SELE: variants seen among roughly 807,000 people sequenced by gnomAD.
The protein encoded by SELE is selectin E.
A neutral mutation model predicts 75.8 loss-of-function variants in SELE; 52 were observed. The observed-to-expected ratio is 0.69, with a 90% CI of 0.55 to 0.86. The LOEUF (loss-of-function observed/expected upper bound fraction) is 0.86. Ranked by LOEUF, SELE falls within the 40% of genes least tolerant of loss-of-function variation. The pLI is 0.00. For missense variants in SELE, 754 were observed against 732.7 expected (o/e 1.03, Z -0.34); for synonymous variants, 285 against 258.7 (o/e 1.10, Z -0.98).
Position 169,727,262 on chromosome 1 carries a change from A to G in SELE, c.1645+87T>C, listed in dbSNP as rs1648795868. The G allele has an allele frequency of 2.8e-6, 4 of 1,428,194 alleles. No homozygotes were observed. In the Admixed American group the frequency reaches 6.6e-5, roughly 23 times the overall value. 88.5% of individuals were successfully genotyped at this position (1,428,194 alleles called of 1,614,324 possible). On this transcript the variant is annotated intron_variant, in intron 10 of 13. Coordinates refer to ENST00000333360, the MANE Select transcript of SELE (RefSeq NM_000450.2). ...AACCTGGGCGAACTTTCTGGTTTGG[A>G]TATAATGAATAGTTGATTACTGTAA... is the stretch of plus-strand genomic sequence containing the variant.
chr1:169,725,915 A>G lies in SELE; in HGVS notation c.1767T>C (p.Val589=), dbSNP rs769088043. 3 of 1,614,074 alleles carry G rather than the reference A, an allele frequency of 1.9e-6. No homozygotes were observed. In the Admixed American group the frequency reaches 5.0e-5, roughly 27 times the overall value. The change falls in exon 12 of 14, where the codon GTT becomes GTC. Residue 589 remains valine, a synonymous_variant. Transcript: ENST00000333360. ...RKCLRKAKKF[V]PASSCQSLES... ...ATAAGAATGCAACTTACCTGGCAGG[A>G]ACAAATTTCTTTGCTGCAAAAGAAA...
chr1:169,727,669 G>C, intron 9 of SELE, 70 bp downstream of exon 9: 2 of 1,555,262 alleles, frequency 1.3e-6, no homozygotes, highest in Non-Finnish European at 1.7e-6. Context: ...ACCCCTTTGG[G>C]GCAATCTAGG....
At chr1:169,728,985 A>C (rs977094917) in intron 7 of SELE, among the ~76,000 whole-genome samples, 3 of 152,340 alleles carry the variant, frequency 2.0e-5, no homozygotes, top group African/African-American at 7.2e-5. Context: ...TTAAAAAAAA[A>C]CAGCAAAGAA....
At chr1:169,725,438 T>C (rs1318860870) in intron 13 of SELE, among the ~76,000 whole-genome samples, 1 of 151,774 alleles carries the variant, frequency 6.6e-6, no homozygotes, top group Non-Finnish European at 1.5e-5. Context: ...TACCAGCCCC[T>C]ATCTCAGAGT....
rs1648680533 is a variant in SELE, at chr1:169,723,630, T to G, written c.*895A>C. On this transcript the variant is annotated 3_prime_UTR_variant, in exon 14 of 14. Coordinates refer to ENST00000333360, the MANE Select transcript of SELE (RefSeq NM_000450.2). The stretch of plus-strand genomic sequence containing the variant: ...CCATGTTTTCAAAAAACAACTGTAG[T>G]AAAAACACTCAGAACTTTATTCTGG... 6.6e-6 allele frequency: 1 copy of G among 152,234 alleles called. No homozygotes were observed. Among genetic ancestry groups the G allele is most frequent in the Admixed American group, 6.5e-5 (1 of 15,288 alleles). The allele number at this position is 152,234 out of a possible 1,614,324, so 9.4% of individuals were successfully genotyped here.
At chr1:169,733,345 C>T (rs1289393504) in intron 2 of SELE, among the ~76,000 whole-genome samples, 1 of 151,568 alleles carries the variant, frequency 6.6e-6, no homozygotes, top group Non-Finnish European at 1.5e-5. Flanking sequence ...TGAATCCTCA[C>T]AATGCATCTG....
At chr1:169,733,909 G>A in intron 1 of SELE, 62 bp downstream of exon 1, 6 of 425,706 alleles carry the variant, frequency 1.4e-5, no homozygotes, top group Admixed American at 3.9e-5. Context: ...TTTATTAGAA[G>A]GCCTTTTGCA....
chr1:169,730,311 A>G (rs1378814679), intron 5 of SELE, 121 bp downstream of exon 5: 9 of 916,602 alleles, frequency 9.8e-6, no homozygotes, highest in Admixed American at 8.5e-5. Flanking sequence ...AACAAATTGT[A>G]TTAAAAACAA....
chr1:169,727,765 C>T lies in SELE; in HGVS notation c.1442G>A (p.Trp481Ter). ...TQLECTSQGQ[W>*]TEEVPSCQVV... Reference sequence around the variant, plus strand: ...TTGGCAGGAAGGAACCTCTTCTGTCCATTGTCCCTGAGATGTGCACTCAAG... The same window carrying T: ...TTGGCAGGAAGGAACCTCTTCTGTCTATTGTCCCTGAGATGTGCACTCAAG... Residue 481 changes from tryptophan (W) to a stop codon, truncating the protein, a stop_gained, in exon 9 of 14, where the codon TGG (tryptophan) becomes TAG (stop). Coordinates refer to ENST00000333360, the MANE Select transcript of SELE (RefSeq NM_000450.2). LOFTEE classifies it high-confidence loss of function. The T allele has an allele frequency of 6.2e-7, 1 of 1,614,104 alleles. No individual in the cohort carries two copies. The highest frequency in any genetic ancestry group is 2.2e-5 in the East Asian group (1 of 44,884).
intron 2 of SELE, among the ~76,000 whole-genome samples, chr1:169,733,318 T>G (rs1211421295): frequency 1.3e-5 from 2 of 152,196 alleles, no homozygotes; most frequent in Non-Finnish European, 2.9e-5. Context: ...TGAGGTACTT[T>G]CCATGAACCA....
Position 169,725,910 on chromosome 1 carries a change from G to A in SELE, c.1772C>T (p.Ala591Val). The change falls in exon 12 of 14, where the codon GCC becomes GTC. Residue 591 changes from alanine to valine, a missense_variant. Transcript: ENST00000333360. ...TTTGTATAAGAATGCAACTTACCTG[G>A]CAGGAACAAATTTCTTTGCTGCAAA... The part of the protein sequence containing the change: ...CLRKAKKFVP[A>V]SSCQSLESDG... The A allele has an allele frequency of 1.2e-6, 2 of 1,613,988 alleles. No homozygotes were observed. The highest frequency in any genetic ancestry group is 1.1e-5 in the South Asian group (1 of 91,072).
At chr1:169,730,376 C>T in intron 5 of SELE, 56 bp downstream of exon 5, 2 of 1,369,220 alleles carry the variant, frequency 1.5e-6, no homozygotes, top group Non-Finnish European at 2.0e-6. Context: ...AATCAAAAAA[C>T]AGAAGCAATG....
rs530243329 is a variant in SELE, at chr1:169,728,264, T to C, written c.1091-18A>G. ...CTGGAAAGCTGAGACATCAAAATGATGGTCAGAAAATATTGCAGTGGAACT... is the reference window on the plus strand; with the variant it reads ...CTGGAAAGCTGAGACATCAAAATGACGGTCAGAAAATATTGCAGTGGAACT... On this transcript the variant is annotated intron_variant, in intron 7 of 13. Transcript: ENST00000333360. 11 of 1,611,384 alleles carry C rather than the reference T, an allele frequency of 6.8e-6. 1 individual carries two copies. In the Admixed American group the frequency reaches 1.2e-4, roughly 17 times the overall value.
At chr1:169,733,141 C>T (rs142818889) in intron 2 of SELE, 143 bp from the exon 3 acceptor site, 61 of 820,356 alleles carry the variant, frequency 7.4e-5, no homozygotes, top group East Asian at 5.7e-4. Context: ...GTAAGAAGTA[C>T]GTATGAAGAA....
chr1:169,731,070 G>T (rs1648899407), intron 4 of SELE, among the ~76,000 whole-genome samples: 2 of 152,148 alleles, frequency 1.3e-5, no homozygotes, highest in South Asian at 4.1e-4. Context: ...AAACCCTAAT[G>T]CTGCACTGTC....
chr1:169,728,467 G>T (rs534688867), intron 7 of SELE, among the ~76,000 whole-genome samples: 1 of 152,314 alleles, frequency 6.6e-6, no homozygotes, highest in Non-Finnish European at 1.5e-5. Context: ...ATTAGTTCCT[G>T]AGCACTGTTC....
intron 4 of SELE, 32 bp downstream of exon 4, chr1:169,731,803 C>A: frequency 1.4e-6 from 2 of 1,462,184 alleles, no homozygotes; most frequent in South Asian, 2.3e-5. Flanking sequence ...GCTACCATCT[C>A]AAGTGAAGAA....
rs1648944777 is a variant in SELE, at chr1:169,732,696, T to A, written c.340A>T (p.Ile114Phe). 1 of 1,614,038 alleles carries A rather than the reference T, an allele frequency of 6.2e-7. No homozygotes were observed. The highest frequency in any genetic ancestry group is 8.5e-7 in the Non-Finnish European group (1 of 1,179,982). The change falls in exon 3 of 14, where the codon ATC (isoleucine) becomes TTC (phenylalanine). Residue 114 changes from isoleucine (I) to phenylalanine (F), a missense_variant. By Grantham distance (21) the Ile-to-Phe change is conservative (BLOSUM62 0). Coordinates refer to ENST00000333360, the MANE Select transcript of SELE (RefSeq NM_000450.2). ...ACATCTTTTTCTCTCTTGATGTAGA[T>A]CTCCACGCAGTCCTCATCTTTTTGC... is the stretch of plus-strand genomic sequence containing the variant. ...NRQKDEDCVE[I>F]YIKREKDVGM...
At position 169,726,717 on chromosome 1, in the gene SELE, G is replaced by A. The variant is rs773892709; in HGVS notation, c.1735C>T (p.Arg579Trp). ...TCCTCACCTTTCCGTAAGCATTTCC[G>A]AAGCCAGAGGAGAAATGGTGCTAAT... ...LTLAPFLLWL[R>W]KCLRKAKKFV... The change falls in exon 11 of 14, where the codon CGG becomes TGG. Residue 579 changes from arginine (R) to tryptophan (W), a missense_variant. By Grantham distance (101) the Arg-to-Trp change is moderately radical (BLOSUM62 -3). Transcript: ENST00000333360. The A allele has an allele frequency of 7.4e-6, 12 of 1,612,570 alleles. No individual in the cohort carries two copies. Among genetic ancestry groups the A allele is most frequent in the East Asian group, 6.7e-5 (3 of 44,868 alleles).
Sources: gnomAD v4.1 joint callset for allele counts (sites outside exome capture counted in the v4.1 genomes callset) on GRCh38, gnomAD v4.1.1 for gene constraint, MANE v1.5 for transcripts, NCBI Gene and HGNC (gene_info 2026-07-23, HGNC 2026-07-21) for gene names.